The following IL1RAP variants were observed in gnomAD, a reference collection of about 807,000 sequenced individuals.
IL1RAP encodes interleukin 1 receptor accessory protein, also known as interleukin-1 receptor accessory protein.
A neutral mutation model predicts 60.7 loss-of-function variants in IL1RAP; 35 were observed. The ratio of observed to expected loss-of-function variants is 0.58; its 90% CI spans 0.44 to 0.76. The LOEUF (loss-of-function observed/expected upper bound fraction) is 0.76, where lower values mean the gene tolerates loss of function less well. Ranked by LOEUF, IL1RAP falls within the 30% of genes least tolerant of loss-of-function variation. The pLI, the probability that IL1RAP is intolerant of heterozygous loss-of-function variation, is 0.00. For synonymous variants in IL1RAP, 268 were observed against 250.9 expected (o/e 1.07, Z -0.64); for missense variants, 572 against 693.9 (o/e 0.82, Z 1.97).
intron 7 of IL1RAP, among the ~76,000 whole-genome samples, chr3:190,624,282 G>T (rs1432677397): frequency 6.6e-6 from 1 of 152,234 alleles, no homozygotes; most frequent in Non-Finnish European, 1.5e-5. Flanking sequence ...ATTATCCTTG[G>T]TTATAAGAAC....
intron 5 of IL1RAP, among the ~76,000 whole-genome samples, chr3:190,617,526 T>C (rs1353829419): frequency 2.0e-5 from 3 of 152,236 alleles, no homozygotes; most frequent in Non-Finnish European, 4.4e-5. Flanking sequence ...TAGGATTGTT[T>C]GTCTTCTAGT....
At chr3:190,553,152 G>A (rs1356249261) in intron 1 of IL1RAP, among the ~76,000 whole-genome samples, 2 of 152,162 alleles carry the variant, frequency 1.3e-5, no homozygotes, top group African/African-American at 2.4e-5. Flanking sequence ...TTGCCATGTG[G>A]TTACATGCCA....
At chr3:190,515,700 TGA>T (rs1375068472) in intron 1 of IL1RAP, among the ~76,000 whole-genome samples, 1 of 151,942 alleles carries the variant, frequency 6.6e-6, no homozygotes, top group African/African-American at 2.4e-5. Flanking sequence ...TTGAAATGGG[TGA>T]GAGGCAGAAA....
intron 1 of IL1RAP, among the ~76,000 whole-genome samples, chr3:190,522,753 TA>T (rs1294598959): frequency 1.3e-5 from 2 of 152,122 alleles, no homozygotes; most frequent in Non-Finnish European, 2.9e-5. Context: ...CTTTCATGTG[TA>T]GGAGGAATTA....
At chr3:190,592,719 A>G (rs1729050307) in intron 3 of IL1RAP, among the ~76,000 whole-genome samples, 1 of 152,066 alleles carries the variant, frequency 6.6e-6, no homozygotes. Flanking sequence ...ACTCTGAAAG[A>G]CCCCAGCTCT....
chr3:190,641,329 G>A (rs2108848601), intron 9 of IL1RAP, among the ~76,000 whole-genome samples: 1 of 152,240 alleles, frequency 6.6e-6, no homozygotes, highest in South Asian at 2.1e-4. Context: ...AAACACCTGA[G>A]GGTCCAGCTA....
At chr3:190,598,201 T>G (rs945691218) in intron 3 of IL1RAP, among the ~76,000 whole-genome samples, 1 of 152,220 alleles carries the variant, frequency 6.6e-6, no homozygotes, top group African/African-American at 2.4e-5. Flanking sequence ...GAGATGCTTT[T>G]GCAAAACACG....
At chr3:190,648,225 T>G (rs542071699) in intron 11 of IL1RAP, 113 bp from the exon 12 acceptor site, 397 of 1,353,458 alleles carry the variant, frequency 2.9e-4, no homozygotes, top group Non-Finnish European at 3.7e-4. Context: ...GTAAAATGTT[T>G]CACCTCAATT....
At chr3:190,655,558 C>CGTGTGTGTGTGTGT (rs34341875), downstream of IL1RAP, among the ~76,000 whole-genome samples, 74 of 131,162 alleles carry the variant, frequency 5.6e-4, 1 homozygote, top group South Asian at 2.0e-3. Context: ...AATTGCCCAC[C>CGTGTGTGTGTGTGT]GTGTGTGTGT....
chr3:190,637,564 C>A (rs989862866), intron 9 of IL1RAP, among the ~76,000 whole-genome samples: 1 of 152,026 alleles, frequency 6.6e-6, no homozygotes, highest in Non-Finnish European at 1.5e-5. Flanking sequence ...CATTTAAGCT[C>A]CTTATCATTA....
intron 1 of IL1RAP, among the ~76,000 whole-genome samples, chr3:190,549,003 G>A (rs1724618566): frequency 1.3e-5 from 2 of 151,818 alleles, no homozygotes; most frequent in Admixed American, 6.6e-5. Context: ...AAATTGTTGT[G>A]AGACATTCTC....
chr3:190,650,020 C>T lies in IL1RAP; in HGVS notation c.*1315C>T. On this transcript the variant is annotated 3_prime_UTR_variant, in exon 12 of 12. Transcript: ENST00000447382. ...ATATATATACATATCCACACACATA[C>T]ATTACATATATCTGTGTATATAAAT... The T allele has an allele frequency of 3.7e-6, 2 of 542,776 alleles. No individual in the cohort carries two copies. Among genetic ancestry groups the T allele is most frequent in the Non-Finnish European group, 2.3e-6 (1 of 426,462 alleles). The allele number at this position is 542,776 out of a possible 1,614,324, so 33.6% of individuals were successfully genotyped here.
At chr3:190,607,027 A>G (rs536439877) in intron 4 of IL1RAP, among the ~76,000 whole-genome samples, 105 of 152,242 alleles carry the variant, frequency 6.9e-4, no homozygotes, top group African/African-American at 2.4e-3. Flanking sequence ...TCCACGTGGC[A>G]GATGTTTTGT....
intron 5 of IL1RAP, among the ~76,000 whole-genome samples, chr3:190,611,344 A>G (rs767186801): frequency 2.6e-4 from 40 of 152,200 alleles, no homozygotes; most frequent in Non-Finnish European, 5.1e-4. Context: ...CAGGAGATAT[A>G]TAAATAACAT....
chr3:190,619,637 A>G (rs923782229), intron 5 of IL1RAP, among the ~76,000 whole-genome samples: 7 of 152,024 alleles, frequency 4.6e-5, no homozygotes. Flanking sequence ...AGGCAGGAGA[A>G]GTGCTTGAAC....
Position 190,649,864 on chromosome 3 carries a change from C to T in IL1RAP, c.*1159C>T, listed in dbSNP as rs1367530412. 4 of 985,114 alleles carry T rather than the reference C, an allele frequency of 4.1e-6. No individual in the cohort carries two copies. The highest frequency in any genetic ancestry group is 4.8e-6 in the Non-Finnish European group (4 of 829,764). 61.0% of individuals were successfully genotyped at this position (985,114 alleles called of 1,614,324 possible). The stretch of plus-strand genomic sequence containing the variant: ...TTTGTTTGTTTTCAGTAATATTTTG[C>T]TGTTTTTAAGACTTGGAAAACTAAG... On this transcript the variant is annotated 3_prime_UTR_variant, in exon 12 of 12. Transcript: ENST00000447382.
intron 3 of IL1RAP, among the ~76,000 whole-genome samples, chr3:190,580,570 T>A (rs1313811933): frequency 6.6e-6 from 1 of 152,168 alleles, no homozygotes; most frequent in Non-Finnish European, 1.5e-5. Flanking sequence ...TACATGATGC[T>A]ATTTACATGA....
chr3:190,654,792 A>C (rs1259466131), downstream of IL1RAP, among the ~76,000 whole-genome samples: 1 of 152,204 alleles, frequency 6.6e-6, no homozygotes, highest in African/African-American at 2.4e-5. Flanking sequence ...TCAAAGTTAT[A>C]AATGGCTAGG....
At chr3:190,621,756 A>AT (rs2108796889) in intron 6 of IL1RAP, among the ~76,000 whole-genome samples, 1 of 152,296 alleles carries the variant, frequency 6.6e-6, no homozygotes, top group East Asian at 1.9e-4. Flanking sequence ...AATTATCCTC[A>AT]TTTTAGAGTT....
Sources: allele counts gnomAD v4.1 joint callset (sites outside exome capture counted in the v4.1 genomes callset), GRCh38; gene constraint gnomAD v4.1.1; transcripts MANE v1.5; gene names NCBI Gene and HGNC (gene_info 2026-07-23, HGNC 2026-07-21).